Variants in RPLP2 observed in about 807,000 individuals in gnomAD.
The protein encoded by RPLP2 is large ribosomal subunit protein P2.
RPLP2 carries 1 observed loss-of-function variant against 11.5 expected under a neutral mutation model. The ratio of observed to expected loss-of-function variants is 0.09; its 90% CI spans 0.03 to 0.41. The LOEUF (loss-of-function observed/expected upper bound fraction) is 0.41, where lower values mean the gene tolerates loss of function less well. RPLP2 is among the 10% of genes least tolerant of loss of function. The pLI, the probability that RPLP2 is intolerant of heterozygous loss-of-function variation, is 0.98. For missense variants in RPLP2, 177 were observed against 145.6 expected (o/e 1.22, Z -1.11); for synonymous variants, 82 against 55.9 (o/e 1.47, Z -2.08).
At chr11:811,727 C>T (rs760735356) in intron 3 of RPLP2, 82 bp downstream of exon 3, 3 of 1,578,200 alleles carry the variant, frequency 1.9e-6, no homozygotes, top group Non-Finnish European at 1.7e-6. Flanking sequence ...TGCCAGGTTT[C>T]GCTTGTGGAC....
At position 812,563 on chromosome 11, in the gene RPLP2, T is replaced by C. The variant is rs2133837978; in HGVS notation, c.201T>C (p.Ala67=). Residue 67 remains alanine, a synonymous_variant, in exon 4 of 5, where the codon GCT becomes GCC. Coordinates refer to ENST00000321153, the MANE Select transcript of RPLP2 (RefSeq NM_001004.4). ...QGIGKLASVP[A]GGAVAVSAAP... Reference sequence around the variant, plus strand: ...TTGGCAAGCTTGCCAGTGTACCTGCTGGTGGGGCTGTAGCCGTCTCTGCTG... The same window carrying C: ...TTGGCAAGCTTGCCAGTGTACCTGCCGGTGGGGCTGTAGCCGTCTCTGCTG... The C allele has an allele frequency of 1.2e-6, 2 of 1,609,678 alleles. No homozygotes were observed. The highest frequency in any genetic ancestry group is 2.2e-4 in the Middle Eastern group (1 of 4,446).
At chr11:811,309 T>C (rs1866048355) in intron 2 of RPLP2, 2 of 482,858 alleles carry the variant, frequency 4.1e-6, no homozygotes, top group Admixed American at 7.0e-5. Context: ...AAAGTCAATT[T>C]CATTGCCAGT....
chr11:810,162 G>A (rs929496679), intron 1 of RPLP2, 72 bp from the exon 2 acceptor site: 2 of 1,381,810 alleles, frequency 1.4e-6, no homozygotes, highest in Non-Finnish European at 9.4e-7. Context: ...GGCCTCGCCC[G>A]GCGGCCCCGG....
chr11:810,136 G>C (rs2133832903), intron 1 of RPLP2, 97 bp downstream of exon 1: 6 of 1,343,792 alleles, frequency 4.5e-6, no homozygotes, highest in Non-Finnish European at 5.8e-6. Context: ...GGAGGCCTAC[G>C]GGCCGAGCCA....
In RPLP2 at chr11:812,166, C is replaced by T. The variant is rs370147721; in HGVS notation, c.173-369C>T. 4.1e-5 allele frequency: 16 copies of T among 385,856 alleles called. No homozygotes were observed. In the East Asian group the frequency reaches 6.0e-4, roughly 15 times the overall value. The allele number at this position is 385,856 out of a possible 1,614,324, so 23.9% of individuals were successfully genotyped here. A position where few individuals can be genotyped will look rare whatever the true frequency, so the allele number is the denominator to read the frequency against. ...ACCACGACAGGGCCAGCTCAGCAAA[C>T]GGGCCAAGCCATGAACACAGCGTTG... On this transcript the variant is annotated intron_variant, in intron 3 of 4. Transcript: ENST00000321153.
chr11:811,435 C>G (rs1052482125), intron 2 of RPLP2, 162 bp from the exon 3 acceptor site: 2 of 712,184 alleles, frequency 2.8e-6, no homozygotes, highest in African/African-American at 1.8e-5. Flanking sequence ...TTTTATATCA[C>G]TTCCCAAGTG....
intron 3 of RPLP2, chr11:811,987 G>A (rs568415533): frequency 2.2e-4 from 109 of 485,542 alleles, no homozygotes; most frequent in Non-Finnish European, 3.6e-4. Flanking sequence ...TTTCTGTGAG[G>A]GGGTTGGGGG....
chr11:810,385 C>T (rs537273414), intron 2 of RPLP2, 28 bp downstream of exon 2: 2 of 1,598,396 alleles, frequency 1.3e-6, no homozygotes, highest in South Asian at 1.1e-5. Flanking sequence ...CCCGCAGCCG[C>T]CGTGGGGCCC....
chr11:811,578 C>T lies in RPLP2; in HGVS notation c.124-19C>T, dbSNP rs554009808. On this transcript the variant is annotated intron_variant, in intron 2 of 4. Transcript: ENST00000321153. ...CAATCGTACATTCCTGGTAACAGCCCTGTGATTGTCTGCTTCAGGTTATCA... is the reference window on the plus strand; with the variant it reads ...CAATCGTACATTCCTGGTAACAGCCTTGTGATTGTCTGCTTCAGGTTATCA... 10 of 1,614,144 alleles carry T rather than the reference C, an allele frequency of 6.2e-6. No individual in the cohort carries two copies. Among genetic ancestry groups the T allele is most frequent in the East Asian group, 2.2e-5 (1 of 44,892 alleles).
chr11:812,640 GGT>G lies in RPLP2; in HGVS notation c.271+9_271+10del. On this transcript the variant is annotated splice_region_variant and intron_variant, in intron 4 of 4. Coordinates refer to ENST00000321153, the MANE Select transcript of RPLP2 (RefSeq NM_001004.4). ...GGTTCTGCCCCTGCTGCAGGTAAGT[GGT>G]GGCCTGGTGAGTGGGCAAGGGGCTG... 2 of 1,610,680 alleles carry G rather than the reference GGT, an allele frequency of 1.2e-6. No homozygotes were observed. The highest frequency in any genetic ancestry group is 2.2e-5 in the South Asian group (2 of 91,008).
At chr11:812,494 G>A in intron 3 of RPLP2, 41 bp from the exon 4 acceptor site, 3 of 1,602,640 alleles carry the variant, frequency 1.9e-6, no homozygotes, top group Non-Finnish European at 2.5e-6. Context: ...AGCCTCCCAG[G>A]CTGGGCAGCT....
chr11:810,478 G>A (rs558402165), intron 2 of RPLP2, 121 bp downstream of exon 2: 9 of 1,005,926 alleles, frequency 8.9e-6, no homozygotes, highest in Non-Finnish European at 1.1e-5. Context: ...AGTCTAGTTG[G>A]CGATTTCTTG....
At chr11:810,743 G>T (rs142280716) in intron 2 of RPLP2, among the ~76,000 whole-genome samples, 1 of 150,564 alleles carries the variant, frequency 6.6e-6, no homozygotes, top group Non-Finnish European at 1.5e-5. Flanking sequence ...CACGGATCGT[G>T]CCACTGTACT....
At chr11:810,865 G>A (rs951665797) in intron 2 of RPLP2, among the ~76,000 whole-genome samples, 1 of 146,868 alleles carries the variant, frequency 6.8e-6, no homozygotes, top group Admixed American at 7.1e-5. Context: ...TAATACCAGT[G>A]AGCTGCGTAA....
At chr11:811,508 G>A (rs984539100) in intron 2 of RPLP2, 89 bp from the exon 3 acceptor site, 2 of 1,531,224 alleles carry the variant, frequency 1.3e-6, no homozygotes, top group East Asian at 2.3e-5. Context: ...CCCATGTGGG[G>A]AACCCAGTCC....
rs991041998 is a variant in RPLP2, at chr11:810,529, C to T, written c.123+172C>T. Reference sequence around the variant, plus strand: ...CGGGCGGAGGTCGGGCGCGGTGGCTCACGCCTGTAGTCCCAGTACTTTGGG... The same window carrying T: ...CGGGCGGAGGTCGGGCGCGGTGGCTTACGCCTGTAGTCCCAGTACTTTGGG... On this transcript the variant is annotated intron_variant, in intron 2 of 4. Transcript: ENST00000321153. The T allele has an allele frequency of 8.6e-6, 5 of 581,600 alleles. 1 individual carries two copies. The highest frequency in any genetic ancestry group is 7.8e-5 in the African/African-American group (4 of 51,140). 36.0% of individuals were successfully genotyped at this position (581,600 alleles called of 1,614,324 possible). A position where few individuals can be genotyped will look rare whatever the true frequency, so the allele number is the denominator to read the frequency against.
chr11:811,597 G>T lies in RPLP2; in HGVS notation c.124G>T (p.Val42Phe). ...IEADDDRLNK[V>F]ISELNGKNIE... Reference sequence around the variant, plus strand: ...ACAGCCCTGTGATTGTCTGCTTCAGGTTATCAGTGAGCTGAATGGAAAAAA... The same window carrying T: ...ACAGCCCTGTGATTGTCTGCTTCAGTTTATCAGTGAGCTGAATGGAAAAAA... The change falls in exon 3 of 5, where the codon GTT becomes TTT. Residue 42 changes from valine to phenylalanine, a missense_variant and splice_region_variant. Transcript: ENST00000321153. 6.2e-7 allele frequency: 1 copy of T among 1,614,186 alleles called. No individual in the cohort carries two copies. Among genetic ancestry groups the T allele is most frequent in the East Asian group, 2.2e-5 (1 of 44,888 alleles).
intron 2 of RPLP2, among the ~76,000 whole-genome samples, chr11:810,901 A>C (rs1464564870): frequency 8.2e-5 from 12 of 145,984 alleles, no homozygotes; most frequent in African/African-American, 3.0e-4. Flanking sequence ...AAAAAAAAGC[A>C]GTCCTGGCGC....
chr11:810,060 C>A, intron 1 of RPLP2, 21 bp downstream of exon 1: 1 of 765,792 alleles, frequency 1.3e-6, no homozygotes, highest in Non-Finnish European at 1.9e-6. Context: ...TGACCGGGCC[C>A]GGGGTGCCGG....
Sources: allele counts gnomAD v4.1 joint callset (sites outside exome capture counted in the v4.1 genomes callset), GRCh38; gene constraint gnomAD v4.1.1; transcripts MANE v1.5; gene names NCBI Gene and HGNC (gene_info 2026-07-23, HGNC 2026-07-21).